Variants in DSP observed in about 807,000 individuals in gnomAD.
DSP encodes the protein 250/210 kDa paraneoplastic pemphigus antigen.
Under a neutral mutation model 290.6 loss-of-function variants are expected in DSP, and 114 were observed. That is an observed-to-expected ratio of 0.39 (90% CI 0.34 to 0.46). The LOEUF is 0.46. Ranked by LOEUF, DSP falls within the 20% of genes least tolerant of loss-of-function variation. DSP has a pLI of 0.99. For missense variants in DSP, 3,230 were observed against 3,495.8 expected, an observed-to-expected ratio of 0.92 and a Z score of 1.92; for synonymous variants, 1,311 against 1,316.4, an observed-to-expected ratio of 1.00 and a Z score of 0.09.
intron 13 of DSP, 97 bp from the exon 14 acceptor site, chr6:7,571,286 A>G (rs1759041923): frequency 8.9e-7 from 1 of 1,127,646 alleles, no homozygotes; most frequent in South Asian, 1.2e-5. Flanking sequence ...TGTTGCTTTG[A>G]GTCCCATCTA....
intron 14 of DSP, 71 bp downstream of exon 14, chr6:7,571,655 A>G: frequency 1.4e-5 from 22 of 1,597,366 alleles, no homozygotes; most frequent in Non-Finnish European, 1.7e-5. Context: ...GTTTGCATAA[A>G]ACTGGTTTCA....
Position 7,584,831 on chromosome 6 carries a change from G to A in DSP, c.7569G>A (p.Lys2523=), listed in dbSNP as rs1230846776. 5 of 1,614,088 alleles carry A rather than the reference G, an allele frequency of 3.1e-6. No homozygotes were observed. The African/African-American group carries it at 4.0e-5, about 13-fold the overall frequency. ...GSTRVVLVDR[K]TGSQYDIQDA... Reference sequence around the variant, plus strand: ...CCAGGGTGGTCCTGGTAGATAGAAAGACAGGCAGTCAGTATGATATTCAAG... The same window carrying A: ...CCAGGGTGGTCCTGGTAGATAGAAAAACAGGCAGTCAGTATGATATTCAAG... Residue 2523 remains lysine, a synonymous_variant, in exon 24 of 24, where the codon AAG becomes AAA. Transcript: ENST00000379802. This position sits in a 1 kb window ranked among gnomAD's most constrained non-coding sequence, Gnocchi z 6.4.
chr6:7,555,840 A>C lies in DSP; in HGVS notation c.273+20A>C, dbSNP rs746107207. 1 of 1,610,268 alleles carries C rather than the reference A, an allele frequency of 6.2e-7. No individual in the cohort carries two copies. Among genetic ancestry groups the C allele is most frequent in the Non-Finnish European group, 8.5e-7 (1 of 1,178,050 alleles). The stretch of plus-strand genomic sequence containing the variant: ...CAGCCTGTAAGCTTTCCCTGTTCCC[A>C]TCGCTTCTCCCAAAGCCTTGGCCAC... On this transcript the variant is annotated intron_variant, in intron 2 of 23. Transcript: ENST00000379802.
chr6:7,565,966 C>A lies in DSP; in HGVS notation c.940-411C>A. 3.1e-6 allele frequency: 1 copy of A among 326,502 alleles called. No individual in the cohort carries two copies. The highest frequency in any genetic ancestry group is 3.0e-5 in the South Asian group (1 of 33,896). 20.2% of individuals were successfully genotyped at this position (326,502 alleles called of 1,614,324 possible). On this transcript the variant is annotated intron_variant, in intron 7 of 23. Coordinates refer to ENST00000379802, the MANE Select transcript of DSP (RefSeq NM_004415.4). The surrounding 1 kb of genome is among the most constrained non-coding windows in gnomAD (Gnocchi z 4.2). ...TGTGTAACAAACCTGCACATGTATCCCTGAACTTAAAATAAAAGTTAAAAA... is the reference window on the plus strand; with the variant it reads ...TGTGTAACAAACCTGCACATGTATCACTGAACTTAAAATAAAAGTTAAAAA...
rs794728151 is a variant in DSP, at chr6:7,585,788, CAGTGGGTCCCGG to C, written c.8529_8540del (p.Ser2843_Arg2846del). On this transcript the variant is annotated inframe_deletion, in exon 24 of 24. Transcript: ENST00000379802. ...GCTCCGGATCTCGCTCCGGGTCCCG[CAGTGGGTCCCGG>C]AGAGGAAGCTTTGACGCCACAGGGA... 113 of 1,609,842 alleles carry C rather than the reference CAGTGGGTCCCGG, an allele frequency of 7.0e-5. No homozygotes were observed. The Admixed American group carries it at 1.9e-3, about 27-fold the overall frequency.
In DSP at chr6:7,583,098, C is replaced by T. The variant is rs781600145; in HGVS notation, c.5836C>T (p.Pro1946Ser). 6.2e-7 allele frequency: 1 copy of T among 1,614,028 alleles called. No homozygotes were observed. Among genetic ancestry groups the T allele is most frequent in the East Asian group, 2.2e-5 (1 of 44,876 alleles). ...GGAGATTGATAAACTCAGACAGCGCCCATATGGGTCCCATCGAGAGACCCA... is the reference window on the plus strand; with the variant it reads ...GGAGATTGATAAACTCAGACAGCGCTCATATGGGTCCCATCGAGAGACCCA... The part of the protein sequence containing the change: ...QREIDKLRQR[P>S]YGSHRETQTE... The change falls in exon 24 of 24, where the codon CCA (proline) becomes TCA (serine). Residue 1946 changes from proline to serine, a missense_variant. Physicochemically the swap from Pro to Ser is moderately conservative, Grantham distance 74. Transcript: ENST00000379802. This position sits in a 1 kb window ranked among gnomAD's most constrained non-coding sequence, Gnocchi z 4.0.
intron 1 of DSP, among the ~76,000 whole-genome samples, chr6:7,546,458 C>T (rs1186001384): frequency 6.6e-6 from 1 of 152,046 alleles, no homozygotes; most frequent in Non-Finnish European, 1.5e-5. Flanking sequence ...CTGTGATGTG[C>T]CTTGTATAGG....
chr6:7,550,576 A>T (rs768712387), intron 1 of DSP, among the ~76,000 whole-genome samples: 14 of 152,156 alleles, frequency 9.2e-5, no homozygotes, highest in Non-Finnish European at 1.8e-4. Context: ...AGGGCTCTCT[A>T]TGCAAATATT....
At position 7,585,815 on chromosome 6, in the gene DSP, C is replaced by T. The variant is rs1554109307; in HGVS notation, c.8553C>T (p.Asp2851=). 2 of 1,611,146 alleles carry T rather than the reference C, an allele frequency of 1.2e-6. No homozygotes were observed. The highest frequency in any genetic ancestry group is 1.7e-6 in the Non-Finnish European group (2 of 1,179,272). Residue 2851 remains aspartate (D), a synonymous_variant, in exon 24 of 24, where the codon GAC becomes GAT. Coordinates refer to ENST00000379802, the MANE Select transcript of DSP (RefSeq NM_004415.4). ...SRSGSRRGSF[D]ATGNSSYSYS... ...GTGGGTCCCGGAGAGGAAGCTTTGA[C>T]GCCACAGGGAATTCTTCCTACTCTT...
intron 1 of DSP, among the ~76,000 whole-genome samples, chr6:7,542,388 C>T (rs926663310): frequency 6.6e-6 from 1 of 152,160 alleles, no homozygotes; most frequent in African/African-American, 2.4e-5. Context: ...CTGGACACGG[C>T]TGCAGCCGCC....
In DSP at chr6:7,542,071, C is replaced by G. The variant is rs1314015135; in HGVS notation, c.156C>G (p.Asn52Lys). 1.3e-6 allele frequency: 2 copies of G among 1,564,078 alleles called. No homozygotes were observed. The highest frequency in any genetic ancestry group is 1.2e-5 in the South Asian group (1 of 85,122). ...YSRRGVITDQ[N>K]SDGYCQTGTM... ...GGCGCGGCGTGATCACCGACCAGAA[C>G]TCGGACGGCTACTGGTGGGTACCTG... Residue 52 changes from asparagine to lysine, a missense_variant, in exon 1 of 24, where the codon AAC (asparagine) becomes AAG (lysine). Asn to Lys is a moderately conservative substitution (Grantham distance 94, BLOSUM62 0). This residue lies in a region of DSP where 646 missense variants were observed against 684.3 expected (regional missense o/e 0.94). Coordinates refer to ENST00000379802, the MANE Select transcript of DSP (RefSeq NM_004415.4).
chr6:7,547,601 A>T lies in DSP; in HGVS notation c.170+5516A>T, dbSNP rs981431371. On this transcript the variant is annotated intron_variant, in intron 1 of 23. Coordinates refer to ENST00000379802, the MANE Select transcript of DSP (RefSeq NM_004415.4). ...GCGCCACCATACACAACTAATTAAA[A>T]TTTTTTTTTTTTTTTTGTAGAGACA... 2.8e-3 allele frequency among the ~76,000 whole-genome samples: 402 copies of T among 145,328 alleles called. 2 individuals carry two copies. The highest frequency in any genetic ancestry group is 9.2e-3 in the African/African-American group (365 of 39,516).
chr6:7,552,480 T>C lies in DSP; in HGVS notation c.171-3238T>C, dbSNP rs562738588. ...CCAGAGGCTGAGGCAGGAGAATCAC[T>C]TGAACCCAGGAAGTGGAGGTTGCAG... On this transcript the variant is annotated intron_variant, in intron 1 of 23. Coordinates refer to ENST00000379802, the MANE Select transcript of DSP (RefSeq NM_004415.4). Among the ~76,000 whole-genome samples, 5 of 150,908 alleles carry C rather than the reference T, an allele frequency of 3.3e-5. No homozygotes were observed. In the East Asian group the frequency reaches 5.8e-4, roughly 18 times the overall value.
chr6:7,558,507 C>CTTTT (rs145193988), intron 3 of DSP, among the ~76,000 whole-genome samples: 28 of 104,546 alleles, frequency 2.7e-4, no homozygotes, highest in Non-Finnish European at 3.7e-4. Flanking sequence ...TGGCATTTGA[C>CTTTT]TTTTTTTTTT....
At chr6:7,548,962 G>A (rs1232813587) in intron 1 of DSP, among the ~76,000 whole-genome samples, 1 of 152,202 alleles carries the variant, frequency 6.6e-6, no homozygotes, top group African/African-American at 2.4e-5. Context: ...AGTCCAAGAT[G>A]ACTAAGACAT....
Position 7,584,203 on chromosome 6 carries a change from A to G in DSP, c.6941A>G (p.Glu2314Gly), listed in dbSNP as rs1759552823. The G allele has an allele frequency of 1.9e-6, 3 of 1,614,076 alleles. No homozygotes were observed. The South Asian group carries it at 3.3e-5, about 18-fold the overall frequency. The change falls in exon 24 of 24, where the codon GAA becomes GGA. Residue 2314 changes from glutamate (E) to glycine (G), a missense_variant. Coordinates refer to ENST00000379802, the MANE Select transcript of DSP (RefSeq NM_004415.4). The surrounding 1 kb of genome is among the most constrained non-coding windows in gnomAD (Gnocchi z 6.4). ...AGCAACTTGAGGTTACCAGTGGAGGAAGCCTACAAGAGAGGTCTGGTGGGC... is the reference window on the plus strand; with the variant it reads ...AGCAACTTGAGGTTACCAGTGGAGGGAGCCTACAAGAGAGGTCTGGTGGGC... ...PVSNLRLPVE[E>G]AYKRGLVGIE...
At chr6:7,564,527 C>T (rs912195387) in intron 6 of DSP, among the ~76,000 whole-genome samples, 1 of 152,144 alleles carries the variant, frequency 6.6e-6, no homozygotes, top group Admixed American at 6.6e-5. Flanking sequence ...TCTAACAGTC[C>T]ATTTTCCCCC....
Position 7,564,229 on chromosome 6 carries a change from G to A in DSP, c.777+443G>A, listed in dbSNP as rs371201482. ...ACTTGTGAATTGTGGTCTTTTTTAC[G>A]AAGTGTAAGCAAAAATAAAAGTTAT... On this transcript the variant is annotated intron_variant, in intron 6 of 23. Transcript: ENST00000379802. Among the ~76,000 whole-genome samples the A allele has an allele frequency of 4.7e-4, 71 of 152,306 alleles. 1 individual carries two copies. The South Asian group carries it at 0.014, about 30-fold the overall frequency.
At chr6:7,571,818 T>C in intron 14 of DSP, 24 bp from the exon 15 acceptor site, 1 of 1,608,508 alleles carries the variant, frequency 6.2e-7, no homozygotes, top group Non-Finnish European at 8.5e-7. Flanking sequence ...CTCTGATTTT[T>C]GTGGCCCTAA....
Sources: gnomAD v4.1 joint callset for allele counts (sites outside exome capture counted in the v4.1 genomes callset) on GRCh38, gnomAD v4.1.1 for gene constraint, gnomAD v4.1.1 regional missense constraint, Gnocchi (gnomAD v3.1) non-coding constraint, MANE v1.5 for transcripts, NCBI Gene and HGNC (gene_info 2026-07-23, HGNC 2026-07-21) for gene names.